NOS3: variants seen among roughly 807,000 people sequenced by gnomAD.
NOS3 encodes the protein nitric oxide synthase 3, also known as NOS type III.
Under a neutral mutation model 144.9 loss-of-function variants are expected in NOS3, and 98 were observed. The observed-to-expected ratio is 0.68, with a 90% confidence interval of 0.57 to 0.80. NOS3 has a LOEUF of 0.80. Among genes scored for constraint, NOS3 ranks in the 30% least tolerant of loss-of-function variants. NOS3 has a pLI of 0.00. For missense variants in NOS3, 1,465 were observed against 1,656.4 expected (o/e 0.88, Z 2.01); for synonymous variants, 714 against 702.4 (o/e 1.02, Z -0.26).
chr7:150,994,038 G>A (rs1802313943), intron 2 of NOS3, 77 bp downstream of exon 2: 2 of 1,472,418 alleles, frequency 1.4e-6, no homozygotes, highest in East Asian at 2.5e-5. Flanking sequence ...GGGAAGGTCT[G>A]GAACTTGTAG....
At chr7:151,007,649 G>A (rs1480846056) in intron 17 of NOS3, among the ~76,000 whole-genome samples, 4 of 152,258 alleles carry the variant, frequency 2.6e-5, no homozygotes, top group African/African-American at 9.6e-5. Context: ...CAGAGAGAAG[G>A]TCAGACAGAG....
In NOS3 at chr7:151,007,234, C is replaced by G; in HGVS notation, c.2070C>G (p.Gly690=). The change falls in exon 17 of 27, where the codon GGC becomes GGG. Residue 690 remains glycine, a synonymous_variant. Transcript: ENST00000297494. ...LQLGQGDELC[G]QEEAFRGWAQ... ...TGGGCCAGGGCGACGAGCTGTGCGG[C>G]CAGGAGGAGGCCTTCCGAGGCTGGG... is the stretch of plus-strand genomic sequence containing the variant. The G allele has an allele frequency of 6.2e-7, 1 of 1,608,084 alleles. No homozygotes were observed. Among genetic ancestry groups the G allele is most frequent in the Non-Finnish European group, 8.5e-7 (1 of 1,179,328 alleles).
chr7:151,013,409 C>G, intron 25 of NOS3, 30 bp downstream of exon 25: 1 of 1,596,626 alleles, frequency 6.3e-7, no homozygotes, highest in South Asian at 1.1e-5. Context: ...CAATGGTAAC[C>G]TGAAGATAGG....
chr7:151,003,964 T>C lies in NOS3; in HGVS notation c.1752+1660T>C. On this transcript the variant is annotated intron_variant, in intron 14 of 26. Transcript: ENST00000297494. This position sits in a 1 kb window ranked among gnomAD's most constrained non-coding sequence, Gnocchi z 4.1. ...GGCTTTTGTGGGCTTATGTTTTTAT[T>C]TCTCTTGGGTAAATACCTAGGAGTA... 1 of 330,448 alleles carries C rather than the reference T, an allele frequency of 3.0e-6. No homozygotes were observed. The highest frequency in any genetic ancestry group is 2.4e-5 in the South Asian group (1 of 42,244). 20.5% of individuals were successfully genotyped at this position (330,448 alleles called of 1,614,324 possible).
At chr7:151,001,654 C>G (rs761160168) in intron 12 of NOS3, 37 bp downstream of exon 12, 54 of 1,599,058 alleles carry the variant, frequency 3.4e-5, no homozygotes, top group Non-Finnish European at 4.5e-5. Flanking sequence ...CCACACACAC[C>G]CTGGGGGCCC....
rs1795220687 is a variant in NOS3 at position 151,007,277 on chromosome 7, G to C, written c.2112+1G>C. 6.3e-7 allele frequency: 1 copy of C among 1,595,088 alleles called. No individual in the cohort carries two copies. The highest frequency in any genetic ancestry group is 8.5e-7 in the Non-Finnish European group (1 of 1,175,420). ...AGGCTGGGCCCAGGCTGCCTTCCAG[G>C]TGAGCCCAGCCCAGCCCCTGCTCTG... On this transcript the variant is annotated splice_donor_variant, in intron 17 of 26. Coordinates refer to ENST00000297494, the MANE Select transcript of NOS3 (RefSeq NM_000603.5). LOFTEE classifies it high-confidence loss of function.
In NOS3 at chr7:150,992,473, T is replaced by C. The variant is rs373498447; in HGVS notation, c.-52+1173T>C. 5.3e-5 allele frequency among the ~76,000 whole-genome samples: 8 copies of C among 152,240 alleles called. No individual in the cohort carries two copies. In the East Asian group the frequency reaches 1.2e-3, roughly 22 times the overall value. On this transcript the variant is annotated intron_variant, in intron 1 of 26. Transcript: ENST00000297494. ...TGCCGCCCTTCCATCTCCCTCCTCCTGAGACAGGGGCAGCAGGGCACACTA... is the reference window on the plus strand; with the variant it reads ...TGCCGCCCTTCCATCTCCCTCCTCCCGAGACAGGGGCAGCAGGGCACACTA...
chr7:151,013,707 A>AACCC lies in NOS3; in HGVS notation c.3256-17_3256-16insACCC. ...CCCACCCCCACCAGGGCCCGCCCTA[A>AACCC]CCCCGCCGCCCCGCAGACCTACGTG... is the stretch of plus-strand genomic sequence containing the variant. On this transcript the variant is annotated splice_polypyrimidine_tract_variant and intron_variant, in intron 25 of 26. Transcript: ENST00000297494. The AACCC allele has an allele frequency of 6.4e-7, 1 of 1,573,750 alleles. No homozygotes were observed.
At position 151,002,350 on chromosome 7, in the gene NOS3, A is replaced by C; in HGVS notation, c.1752+46A>C. ...GGCTGCTGGGAATGAGGAGAGACTC[A>C]GAATTGGAGTGACTGGGCAGGAACC... On this transcript the variant is annotated intron_variant, in intron 14 of 26. Coordinates refer to ENST00000297494, the MANE Select transcript of NOS3 (RefSeq NM_000603.5). This position sits in a 1 kb window ranked among gnomAD's most constrained non-coding sequence, Gnocchi z 4.1. 1 of 963,510 alleles carries C rather than the reference A, an allele frequency of 1.0e-6. No homozygotes were observed. Among genetic ancestry groups the C allele is most frequent in the Non-Finnish European group, 1.6e-6 (1 of 628,068 alleles). The allele number at this position is 963,510 out of a possible 1,614,324, so 59.7% of individuals were successfully genotyped here.
In NOS3 at chr7:151,003,471, G is replaced by A; in HGVS notation, c.1752+1167G>A. 8.2e-7 allele frequency: 1 copy of A among 1,224,300 alleles called. No individual in the cohort carries two copies. Among genetic ancestry groups the A allele is most frequent in the Non-Finnish European group, 1.0e-6 (1 of 953,592 alleles). 75.8% of individuals were successfully genotyped at this position (1,224,300 alleles called of 1,614,324 possible). On this transcript the variant is annotated intron_variant, in intron 14 of 26. Transcript: ENST00000297494. The surrounding 1 kb of genome is among the most constrained non-coding windows in gnomAD (Gnocchi z 4.1). ...GGAATCTCGTGAAACCCTTTTTGCT[G>A]CCTTAGTGTCCGTTTCAGCCCTCAT...
chr7:151,013,262 C>T lies in NOS3; in HGVS notation c.3138C>T (p.Phe1046=), dbSNP rs756428247. Residue 1046 remains phenylalanine, a synonymous_variant, in exon 25 of 27, where the codon TTC becomes TTT. Coordinates refer to ENST00000297494, the MANE Select transcript of NOS3 (RefSeq NM_000603.5). ...AGCCCACTCCCATGACTTTGGTGTT[C>T]GGCTGCCGATGCTCCCAACTTGACC... is the stretch of plus-strand genomic sequence containing the variant. ...GLQPTPMTLV[F]GCRCSQLDHL... The T allele has an allele frequency of 3.5e-5, 56 of 1,613,694 alleles. No homozygotes were observed. The highest frequency in any genetic ancestry group is 1.6e-4 in the Middle Eastern group (1 of 6,076).
chr7:150,995,113 C>T (rs1802342704), intron 2 of NOS3, 90 bp from the exon 3 acceptor site: 2 of 676,628 alleles, frequency 3.0e-6, no homozygotes, highest in Non-Finnish European at 5.1e-6. Flanking sequence ...GTGAGATCGC[C>T]AGTGCTGTAA....
rs1242971692 is a variant in NOS3, at chr7:151,009,551, C to T, written c.2478C>T (p.Pro826=). 13 of 1,543,476 alleles carry T rather than the reference C, an allele frequency of 8.4e-6. No homozygotes were observed. The highest frequency in any genetic ancestry group is 2.4e-5 in the East Asian group (1 of 40,854). The part of the protein sequence containing the change: ...RVEDPPAPTE[P]VAVEQLEKGS... ...AGGACCCGCCGGCGCCCACTGAGCC[C>T]GTGGCAGTAGAGCAGCTGGAGAAGG... is the stretch of plus-strand genomic sequence containing the variant. Residue 826 remains proline, a synonymous_variant, in exon 20 of 27, where the codon CCC becomes CCT. Transcript: ENST00000297494.
intron 23 of NOS3, chr7:151,011,773 C>T (rs751193184): frequency 7.4e-6 from 3 of 405,978 alleles, no homozygotes; most frequent in South Asian, 5.2e-5. Context: ...ATCCTCCCAC[C>T]TCCGCCTCCC....
At position 150,992,685 on chromosome 7, in the gene NOS3, CTTGT is replaced by C. The variant is rs376355136; in HGVS notation, c.-51-1059_-51-1056del. On this transcript the variant is annotated intron_variant, in intron 1 of 26. Coordinates refer to ENST00000297494, the MANE Select transcript of NOS3 (RefSeq NM_000603.5). ...GAGGAGTCTGGCCAACACAAATCCT[CTTGT>C]TTGTTTGTCTGTCTGTCTGCTGCTC... 8.7e-5 allele frequency among the ~76,000 whole-genome samples: 13 copies of C among 150,114 alleles called. No homozygotes were observed. The South Asian group carries it at 1.5e-3, about 18-fold the overall frequency.
intron 20 of NOS3, among the ~76,000 whole-genome samples, chr7:151,009,891 T>A (rs531110178): frequency 7.2e-4 from 110 of 152,302 alleles, no homozygotes; most frequent in African/African-American, 2.6e-3. Flanking sequence ...GCCACATCAA[T>A]GCCTGGGCTT....
In NOS3 at chr7:151,010,762, G is replaced by A. The variant is rs754262253; in HGVS notation, c.2851G>A (p.Gly951Arg). The A allele has an allele frequency of 2.5e-6, 4 of 1,613,500 alleles. No individual in the cohort carries two copies. The highest frequency in any genetic ancestry group is 3.4e-6 in the Non-Finnish European group (4 of 1,179,796). Residue 951 changes from glycine (G) to arginine (R), a missense_variant, in exon 22 of 27, where the codon GGA becomes AGA. Around this residue, in one of 5 missense-constraint regions of NOS3, gnomAD observed 106 missense variants for 167.7 expected, o/e 0.63. Coordinates refer to ENST00000297494, the MANE Select transcript of NOS3 (RefSeq NM_000603.5). ...SVSSAPSTHP[G>R]EIHLTVAVLA... is the part of the protein sequence containing the mutation. ...CAGCTCGGCACCCAGCACCCACCCA[G>A]GAGAGATCCACCTCACTGTAGCTGT...
chr7:150,998,130 G>A lies in NOS3; in HGVS notation c.583-227G>A, dbSNP rs1316537906. On this transcript the variant is annotated intron_variant, in intron 5 of 26. Coordinates refer to ENST00000297494, the MANE Select transcript of NOS3 (RefSeq NM_000603.5). The surrounding 1 kb of genome is among the most constrained non-coding windows in gnomAD (Gnocchi z 5.0). ...CTGGATACCAAGTCAGCTTCCATAG[G>A]GATGGGGAGACACCTGGCCCAGGGA... Among the ~76,000 whole-genome samples the A allele has an allele frequency of 2.0e-5, 3 of 152,170 alleles. No homozygotes were observed. Among genetic ancestry groups the A allele is most frequent in the Non-Finnish European group, 4.4e-5 (3 of 68,020 alleles).
In NOS3 at chr7:151,001,866, G is replaced by A. The variant is rs1188212222; in HGVS notation, c.1548G>A (p.Lys516=). The A allele has an allele frequency of 1.2e-6, 2 of 1,613,646 alleles. No individual in the cohort carries two copies. Among genetic ancestry groups the A allele is most frequent in the Non-Finnish European group, 1.7e-6 (2 of 1,180,048 alleles). Residue 516 remains lysine (K), a synonymous_variant, in exon 13 of 27, where the codon AAG becomes AAA. Coordinates refer to ENST00000297494, the MANE Select transcript of NOS3 (RefSeq NM_000603.5). The stretch of plus-strand genomic sequence containing the variant: ...CGCTCATGGGCACGGTGATGGCGAA[G>A]CGAGTGAAGGCGACAATCCTGTATG... The part of the protein sequence containing the change: ...SASLMGTVMA[K]RVKATILYGS...
Sources: gnomAD v4.1 joint callset for allele counts (sites outside exome capture counted in the v4.1 genomes callset) on GRCh38, gnomAD v4.1.1 for gene constraint, gnomAD v4.1.1 regional missense constraint, Gnocchi (gnomAD v3.1) non-coding constraint, MANE v1.5 for transcripts, NCBI Gene and HGNC (gene_info 2026-07-23, HGNC 2026-07-21) for gene names.